The following RNASET2 variants were observed in gnomAD, a reference collection of about 807,000 sequenced individuals.
The protein encoded by RNASET2 is ribonuclease T2, also known as ribonuclease 6.
A neutral mutation model predicts 33.9 loss-of-function variants in RNASET2; 28 were observed. The observed-to-expected ratio is 0.83, with a 90% CI of 0.61 to 1.13. The LOEUF (loss-of-function observed/expected upper bound fraction) is 1.13, where lower values mean the gene tolerates loss of function less well. RNASET2 is among the 50% of genes most tolerant of loss of function. RNASET2 has a pLI of 0.00. For missense variants in RNASET2, 330 were observed against 319.9 expected (o/e 1.03, Z -0.24); for synonymous variants, 123 against 121.0 (o/e 1.02, Z -0.11).
At chr6:166,948,118 G>A (rs1346713792) in intron 3 of RNASET2, among the ~76,000 whole-genome samples, 2 of 152,148 alleles carry the variant, frequency 1.3e-5, no homozygotes, top group African/African-American at 4.8e-5. Flanking sequence ...GGCCAAGGTG[G>A]ATGGATCACC....
In RNASET2 at chr6:166,952,559, A is replaced by G; in HGVS notation, c.87-11T>C. ...CACTCATGGTTGTCACTGTTAAAACATAAGAAACTTATTTTTCAAGAACTT... is the reference window on the plus strand; with the variant it reads ...CACTCATGGTTGTCACTGTTAAAACGTAAGAAACTTATTTTTCAAGAACTT... On this transcript the variant is annotated splice_polypyrimidine_tract_variant and intron_variant, in intron 1 of 8. Transcript: ENST00000508775. 6.2e-7 allele frequency: 1 copy of G among 1,606,706 alleles called. No homozygotes were observed. Among genetic ancestry groups the G allele is most frequent in the African/African-American group, 1.3e-5 (1 of 74,928 alleles).
chr6:166,951,342 T>G (rs1471841042), intron 2 of RNASET2, among the ~76,000 whole-genome samples: 1 of 152,206 alleles, frequency 6.6e-6, no homozygotes, highest in African/African-American at 2.4e-5. Context: ...CACGGGGAGA[T>G]GGTTAGGCCT....
intron 1 of RNASET2, among the ~76,000 whole-genome samples, chr6:166,954,233 C>G (rs9459812): frequency 3.3e-5 from 5 of 152,024 alleles, no homozygotes; most frequent in Admixed American, 6.6e-5. Flanking sequence ...GGAAAATGCC[C>G]GCTGACCTAT....
chr6:166,950,355 C>A (rs765386399), intron 2 of RNASET2, among the ~76,000 whole-genome samples: 1 of 152,192 alleles, frequency 6.6e-6, no homozygotes, highest in Non-Finnish European at 1.5e-5. Context: ...AAGGAAACAG[C>A]AGCAGGAGCG....
intron 4 of RNASET2, among the ~76,000 whole-genome samples, chr6:166,946,016 G>T (rs1346658793): frequency 1.3e-5 from 2 of 152,114 alleles, no homozygotes; most frequent in Non-Finnish European, 2.9e-5. Flanking sequence ...CAGTTACCCT[G>T]GTATATACTG....
chr6:166,931,148 T>A, intron 7 of RNASET2, 30 bp from the exon 8 acceptor site: 1 of 1,450,064 alleles, frequency 6.9e-7, no homozygotes, highest in Non-Finnish European at 9.7e-7. Context: ...TATTAGAAAT[T>A]AAACTTCAAC....
Position 166,922,286 on chromosome 6 carries a change from A to G in RNASET2, c.*7302T>C, listed in dbSNP as rs1379547269. On this transcript the variant is annotated 3_prime_UTR_variant, in exon 9 of 9. Coordinates refer to ENST00000508775, the MANE Select transcript of RNASET2 (RefSeq NM_003730.6). ...ACTGACACACTCAAAAAGCGCGGTG[A>G]TCTGAGTTATAGTAAAGCCTGTTTC... 1.3e-5 allele frequency among the ~76,000 whole-genome samples: 2 copies of G among 152,196 alleles called. No individual in the cohort carries two copies. The highest frequency in any genetic ancestry group is 2.9e-5 in the Non-Finnish European group (2 of 68,040).
At chr6:166,948,537 T>C (rs1349118954) in intron 3 of RNASET2, 33 bp downstream of exon 3, 8 of 1,415,258 alleles carry the variant, frequency 5.7e-6, no homozygotes, top group African/African-American at 1.4e-5. Flanking sequence ...GCAAGCCTCT[T>C]CTGCCTAAGA....
At chr6:166,942,642 C>T (rs1226128432) in intron 5 of RNASET2, among the ~76,000 whole-genome samples, 1 of 151,576 alleles carries the variant, frequency 6.6e-6, no homozygotes, top group East Asian at 2.0e-4. Flanking sequence ...GGCATTTTGT[C>T]ATGTTACCAG....
intron 5 of RNASET2, among the ~76,000 whole-genome samples, chr6:166,939,929 C>A (rs576567612): frequency 1.3e-5 from 2 of 152,204 alleles, no homozygotes; most frequent in Non-Finnish European, 2.9e-5. Flanking sequence ...TCACGTTCTT[C>A]GTTTGGTTCT....
intron 6 of RNASET2, among the ~76,000 whole-genome samples, chr6:166,937,585 T>C (rs1353284971): frequency 2.0e-5 from 3 of 152,240 alleles, no homozygotes; most frequent in East Asian, 1.9e-4. Flanking sequence ...ACAAACTATA[T>C]ACAAATCAAA....
At position 166,923,248 on chromosome 6, in the gene RNASET2, T is replaced by G. The variant is rs1244259271; in HGVS notation, c.*6340A>C. Among the ~76,000 whole-genome samples the G allele has an allele frequency of 6.7e-6, 1 of 148,974 alleles. No individual in the cohort carries two copies. The highest frequency in any genetic ancestry group is 6.6e-5 in the Admixed American group (1 of 15,096). Reference sequence around the variant, plus strand: ...CCGGCCTTTTTTTTTTTTTTTTTTTTTGAGACAGAGTCTTACTCTGTTGCC... The same window carrying G: ...CCGGCCTTTTTTTTTTTTTTTTTTTGTGAGACAGAGTCTTACTCTGTTGCC... On this transcript the variant is annotated 3_prime_UTR_variant, in exon 9 of 9. Coordinates refer to ENST00000508775, the MANE Select transcript of RNASET2 (RefSeq NM_003730.6).
At chr6:166,939,086 C>T in intron 5 of RNASET2, 78 bp from the exon 6 acceptor site, 1 of 1,040,222 alleles carries the variant, frequency 9.6e-7, no homozygotes, top group African/African-American at 1.6e-5. Context: ...GTAATCCCAA[C>T]ACTTTGGGAG....
At chr6:166,955,493 A>ACCACCCG (rs1334894624) in intron 1 of RNASET2, 68 of 986,636 alleles carry the variant, frequency 6.9e-5, no homozygotes, top group Non-Finnish European at 7.5e-5. Context: ...CCGTCGTTTC[A>ACCACCCG]CCACCCGCCG....
intron 4 of RNASET2, 85 bp from the exon 5 acceptor site, chr6:166,943,174 C>T (rs1778734595): frequency 1.1e-6 from 1 of 919,736 alleles, no homozygotes; most frequent in African/African-American, 1.6e-5. Flanking sequence ...AAACTGACAC[C>T]AAAGAATTGA....
In RNASET2 at chr6:166,938,982, G is replaced by T; in HGVS notation, c.359C>A (p.Thr120Asn). The change falls in exon 6 of 9, where the codon ACC becomes AAC. Residue 120 changes from threonine to asparagine, a missense_variant. Transcript: ENST00000508775. ...FWKHEWEKHGTCAAQVDALNS... is the reference protein window; with the variant it reads ...FWKHEWEKHGNCAAQVDALNS... ...GAGCGCATCCACCTGGGCGGCGCAG[G>T]TCCCATGCTTTTCCCACTCATGCTT... 6.2e-7 allele frequency: 1 copy of T among 1,613,404 alleles called. No individual in the cohort carries two copies. Among genetic ancestry groups the T allele is most frequent in the Non-Finnish European group, 8.5e-7 (1 of 1,179,906 alleles).
rs1778254829 is a variant in RNASET2, at chr6:166,922,933, T to C, written c.*6655A>G. On this transcript the variant is annotated 3_prime_UTR_variant, in exon 9 of 9. Transcript: ENST00000508775. ...TGGGCCACTGTCACTCTGCAGACTT[T>C]TCTCAGTGTTAAAAGCGGGTAGGAA... Among the ~76,000 whole-genome samples, 1 of 152,250 alleles carries C rather than the reference T, an allele frequency of 6.6e-6. No individual in the cohort carries two copies. Among genetic ancestry groups the C allele is most frequent in the Non-Finnish European group, 1.5e-5 (1 of 68,040 alleles).
In RNASET2 at chr6:166,929,802, A is replaced by T. The variant is rs1053068399; in HGVS notation, c.568-11T>A. 4 of 1,606,636 alleles carry T rather than the reference A, an allele frequency of 2.5e-6. No homozygotes were observed. The African/African-American group carries it at 5.3e-5, about 21-fold the overall frequency. On this transcript the variant is annotated splice_polypyrimidine_tract_variant and intron_variant, in intron 8 of 8. Coordinates refer to ENST00000508775, the MANE Select transcript of RNASET2 (RefSeq NM_003730.6). ...CTGTACTTCCTCATCCTAAAAGTAA[A>T]CAATGAAAGACGCTTTAGAATTCAG... is the stretch of plus-strand genomic sequence containing the variant.
intron 4 of RNASET2, chr6:166,943,523 G>A (rs535552747): frequency 3.3e-5 from 11 of 329,656 alleles, no homozygotes; most frequent in Non-Finnish European, 4.7e-5. Context: ...AATGAGATTC[G>A]CGGTTGCTTG....
Sources: allele counts gnomAD v4.1 joint callset (sites outside exome capture counted in the v4.1 genomes callset), GRCh38; gene constraint gnomAD v4.1.1; transcripts MANE v1.5; gene names NCBI Gene and HGNC (gene_info 2026-07-23, HGNC 2026-07-21).